The following TTC3 variants were observed in gnomAD, a reference collection of about 807,000 sequenced individuals.
The protein encoded by TTC3 is tetratricopeptide repeat domain 3.
A neutral mutation model predicts 249.6 loss-of-function variants in TTC3; 180 were observed. That is an observed-to-expected ratio of 0.72 (90% CI 0.64 to 0.82). The LOEUF is 0.82. Ranked by LOEUF, TTC3 falls within the 40% of genes least tolerant of loss-of-function variation. The pLI is 0.00. For missense variants in TTC3, 2,061 were observed against 2,398.4 expected (o/e 0.86, Z 2.94); for synonymous variants, 717 against 805.0 (o/e 0.89, Z 1.85).
chr21:37,085,250 A>G (rs1221978222), intron 1 of TTC3, among the ~76,000 whole-genome samples: 3 of 152,148 alleles, frequency 2.0e-5, no homozygotes, highest in Non-Finnish European at 4.4e-5. Context: ...TATACCTCAT[A>G]TTATGTGCTA....
chr21:37,185,209 G>A (rs1462853616), intron 36 of TTC3, among the ~76,000 whole-genome samples: 2 of 152,274 alleles, frequency 1.3e-5, no homozygotes, highest in Admixed American at 1.3e-4. Context: ...CATGGCTCAA[G>A]AATCGGAGAT....
intron 34 of TTC3, among the ~76,000 whole-genome samples, chr21:37,169,448 G>A (rs1401498217): frequency 6.6e-6 from 1 of 152,094 alleles, no homozygotes; most frequent in Non-Finnish European, 1.5e-5. Flanking sequence ...GGAGGCTGAG[G>A]TAGGAGAATT....
chr21:37,197,344 C>T (rs1472962290), intron 42 of TTC3, among the ~76,000 whole-genome samples: 2 of 151,262 alleles, frequency 1.3e-5, no homozygotes, highest in Admixed American at 6.6e-5. Flanking sequence ...GCAGGGATCG[C>T]GCCACTGCCC....
intron 20 of TTC3, among the ~76,000 whole-genome samples, chr21:37,142,287 A>G (rs1348868354): frequency 3.3e-5 from 5 of 152,222 alleles, no homozygotes; most frequent in South Asian, 2.1e-4. Context: ...AGGGTATTCA[A>G]TTAGGAAAAG....
chr21:37,111,851 C>T (rs1601516469), intron 11 of TTC3, among the ~76,000 whole-genome samples: 1 of 152,218 alleles, frequency 6.6e-6, no homozygotes, highest in East Asian at 1.9e-4. Context: ...CAAACTGTCT[C>T]TCAGACCATA....
chr21:37,200,106 C>CTGT (rs2085340786), intron 44 of TTC3, 126 bp from the exon 45 acceptor site: 2 of 677,684 alleles, frequency 3.0e-6, no homozygotes, highest in Non-Finnish European at 4.9e-6. Flanking sequence ...GACTGTTTAG[C>CTGT]TGTAATTGTG....
intron 24 of TTC3, 27 bp downstream of exon 24, chr21:37,150,197 A>G: frequency 6.6e-7 from 1 of 1,523,610 alleles, no homozygotes; most frequent in Non-Finnish European, 9.1e-7. Context: ...AAACCTTGTT[A>G]GATAGATAAC....
At chr21:37,124,223 C>T (rs2076873576) in intron 13 of TTC3, among the ~76,000 whole-genome samples, 1 of 140,136 alleles carries the variant, frequency 7.1e-6, no homozygotes, top group Non-Finnish European at 1.5e-5. Flanking sequence ...TCAAGCAGGT[C>T]TCCTGCCTCA....
chr21:37,088,963 G>A, intron 5 of TTC3, 77 bp downstream of exon 5: 4 of 1,322,312 alleles, frequency 3.0e-6, no homozygotes, highest in Non-Finnish European at 4.2e-6. Context: ...AGGCTCAAAT[G>A]ACTAATTTAT....
chr21:37,100,320 CAA>C (rs1601409942), intron 10 of TTC3, among the ~76,000 whole-genome samples: 1 of 151,772 alleles, frequency 6.6e-6, no homozygotes, highest in African/African-American at 2.4e-5. Context: ...AAAAGTAAAA[CAA>C]AATGTAATTA....
intron 39 of TTC3, among the ~76,000 whole-genome samples, chr21:37,190,884 C>A (rs978176019): frequency 1.3e-5 from 2 of 152,168 alleles, no homozygotes; most frequent in African/African-American, 4.8e-5. Flanking sequence ...TGCTGAGATT[C>A]ATGAGGTGCT....
At chr21:37,078,544 T>A (rs879387802) in intron 1 of TTC3, among the ~76,000 whole-genome samples, 14 of 152,280 alleles carry the variant, frequency 9.2e-5, no homozygotes, top group Non-Finnish European at 1.8e-4. Context: ...TTGTTGCTAT[T>A]ATAAATGGTG....
chr21:37,086,540 TTTTTTCC>T (rs1383690928), intron 1 of TTC3: 1 of 151,790 alleles, frequency 6.6e-6, no homozygotes, highest in African/African-American at 2.4e-5. Flanking sequence ...AATGTGAGGG[TTTTTTCC>T]TTTTTGCGAT....
At chr21:37,122,835 C>T (rs2076732054) in intron 12 of TTC3, 148 bp from the exon 13 acceptor site, 12 of 779,664 alleles carry the variant, frequency 1.5e-5, no homozygotes, top group Non-Finnish European at 2.4e-5. Flanking sequence ...CTAAAGACAT[C>T]TAGAAATGTA....
chr21:37,129,144 T>C, intron 16 of TTC3, 81 bp downstream of exon 16: 1 of 904,064 alleles, frequency 1.1e-6, no homozygotes, highest in East Asian at 2.8e-5. Flanking sequence ...GTTTTTCGAG[T>C]ATTAGCTACT....
rs370551505 is a variant in TTC3 at position 37,181,169 on chromosome 21, CAT to C, written c.4618-1604_4618-1603del. Reference sequence around the variant, plus strand: ...GGTTAGTACAAACAGAAGATGAACTCATGTGGTATTTTCGTTGCCTGAGCTAT... The same window carrying C: ...GGTTAGTACAAACAGAAGATGAACTCGTGGTATTTTCGTTGCCTGAGCTAT... On this transcript the variant is annotated intron_variant, in intron 35 of 45. Coordinates refer to ENST00000355666, the Ensembl canonical transcript of TTC3. Among the ~76,000 whole-genome samples the C allele has an allele frequency of 2.5e-3, 379 of 152,326 alleles. 7 individuals are homozygous for C. Among genetic ancestry groups the C allele is most frequent in the Admixed American group, 0.022 (337 of 15,294 alleles).
chr21:37,111,906 C>T (rs1000403075), intron 11 of TTC3, among the ~76,000 whole-genome samples: 27 of 151,752 alleles, frequency 1.8e-4, no homozygotes, highest in African/African-American at 3.6e-4. Context: ...CACTCAAAAC[C>T]GCTCAACTAC....
chr21:37,086,373 T>C (rs1692437206), intron 1 of TTC3: 1 of 152,182 alleles, frequency 6.6e-6, no homozygotes, highest in African/African-American at 2.4e-5. Context: ...ATGGTGCATT[T>C]TTCAGTGATG....
intron 17 of TTC3, among the ~76,000 whole-genome samples, chr21:37,134,822 A>G (rs1399934782): frequency 2.6e-5 from 4 of 152,148 alleles, no homozygotes; most frequent in Non-Finnish European, 5.9e-5. Flanking sequence ...TTCCTTTTGC[A>G]TTTAACCTAT....
Sources: gnomAD v4.1 joint callset for allele counts (sites outside exome capture counted in the v4.1 genomes callset) on GRCh38, gnomAD v4.1.1 for gene constraint, MANE v1.5 for transcripts, NCBI Gene and HGNC (gene_info 2026-07-23, HGNC 2026-07-21) for gene names.